Variants in NFASC observed in about 807,000 individuals in gnomAD.
NFASC encodes neurofascin homolog.
Under a neutral mutation model 147.5 loss-of-function variants are expected in NFASC, and 43 were observed. The ratio of observed to expected loss-of-function variants is 0.29; its 90% CI spans 0.23 to 0.38. The LOEUF (loss-of-function observed/expected upper bound fraction) is 0.38, where lower values mean the gene tolerates loss of function less well. NFASC is among the 10% of genes least tolerant of loss of function. The pLI is 1.00. For missense variants in NFASC, 1,320 were observed against 1,689.0 expected (o/e 0.78, Z 3.83); for synonymous variants, 622 against 665.5 (o/e 0.93, Z 1.01).
At chr1:204,903,629 A>G (rs1401712250) in intron 1 of NFASC, among the ~76,000 whole-genome samples, 2 of 152,136 alleles carry the variant, frequency 1.3e-5, no homozygotes, top group South Asian at 2.1e-4. Context: ...CTGGGGGCCC[A>G]GTTGCTGTGA....
At chr1:204,911,686 A>G (rs183854907) in intron 1 of NFASC, among the ~76,000 whole-genome samples, 3 of 152,308 alleles carry the variant, frequency 2.0e-5, no homozygotes, top group African/African-American at 7.2e-5. Flanking sequence ...TCTTCTATAA[A>G]AGAGATTTTA....
intron 25 of NFASC, chr1:205,000,456 C>T (rs1486166595): frequency 1.3e-5 from 2 of 152,572 alleles, no homozygotes; most frequent in African/African-American, 4.8e-5. Context: ...CATCAAGACT[C>T]GCGGCTCTTA....
intron 1 of NFASC, among the ~76,000 whole-genome samples, chr1:204,882,963 G>A (rs1385132302): frequency 1.3e-5 from 2 of 152,092 alleles, no homozygotes; most frequent in African/African-American, 4.8e-5. Context: ...TTTGGAATAC[G>A]CCTACATATG....
At chr1:204,871,857 A>G (rs1472054866) in intron 1 of NFASC, among the ~76,000 whole-genome samples, 2 of 152,252 alleles carry the variant, frequency 1.3e-5, no homozygotes, top group South Asian at 2.1e-4. Flanking sequence ...TTTGGTCCAG[A>G]GCTACCCTGA....
Position 204,901,192 on chromosome 1 carries a change from G to A in NFASC, c.-199-19440G>A, listed in dbSNP as rs566146549. Among the ~76,000 whole-genome samples, 16 of 152,308 alleles carry A rather than the reference G, an allele frequency of 1.1e-4. No individual in the cohort carries two copies. The East Asian group carries it at 3.1e-3, about 29-fold the overall frequency. ...AAATACAACTGGACATGTCAAGTAG[G>A]CAGTTGGATATGTGAAGCTCAGGGG... is the stretch of plus-strand genomic sequence containing the variant. On this transcript the variant is annotated intron_variant, in intron 1 of 29. Transcript: ENST00000339876.
Position 204,973,402 on chromosome 1 carries a change from C to A in NFASC, c.1262C>A (p.Ala421Asp). 1 of 1,614,264 alleles carries A rather than the reference C, an allele frequency of 6.2e-7. No homozygotes were observed. The highest frequency in any genetic ancestry group is 8.5e-7 in the Non-Finnish European group (1 of 1,180,044). The change falls in exon 12 of 30, where the codon GCC becomes GAC. Residue 421 changes from alanine (A) to aspartate (D), a missense_variant. This residue lies in a region of NFASC where 981 missense variants were observed against 1,289.5 expected (regional missense o/e 0.76). Transcript: ENST00000339876. ...SNEHGYLLAN[A>D]FVSVLDVPPR... ...GAGCATGGCTACCTGCTGGCCAACG[C>A]CTTTGTCAGTGTGCTGGGTGAGTGT...
intron 2 of NFASC, among the ~76,000 whole-genome samples, chr1:204,925,938 G>A (rs150510179): frequency 5.3e-5 from 8 of 152,224 alleles, no homozygotes; most frequent in Admixed American, 1.3e-4. Flanking sequence ...TGGTGGAGTC[G>A]CACAGATATC....
chr1:204,980,489 A>C (rs1472168962), intron 20 of NFASC, 49 bp downstream of exon 20: 1 of 1,403,438 alleles, frequency 7.1e-7, no homozygotes, highest in African/African-American at 1.4e-5. Context: ...TGCCGCATGC[A>C]CCGGGAGCCC....
chr1:204,945,660 T>A (rs140397430), intron 3 of NFASC, among the ~76,000 whole-genome samples: 58 of 152,326 alleles, frequency 3.8e-4, no homozygotes, highest in Non-Finnish European at 7.1e-4. Context: ...TGTGCATATG[T>A]ATGCATGCCC....
At chr1:204,945,556 C>T (rs2093666204) in intron 3 of NFASC, among the ~76,000 whole-genome samples, 2 of 152,258 alleles carry the variant, frequency 1.3e-5, no homozygotes. Context: ...GATGATAGAA[C>T]ACCAGTAGTA....
At chr1:204,891,104 C>T (rs77906930) in intron 1 of NFASC, among the ~76,000 whole-genome samples, 5,625 of 152,264 alleles carry the variant, frequency 0.037, 319 homozygotes, top group African/African-American at 0.13. Flanking sequence ...GGTCTCTTCC[C>T]TGATTGGGTC....
chr1:204,870,581 C>T (rs1201294383), intron 1 of NFASC: 17 of 793,682 alleles, frequency 2.1e-5, no homozygotes, highest in Non-Finnish European at 2.3e-5. Context: ...CGGCCTGGTA[C>T]GTCTCTCTGT....
chr1:204,931,759 C>A (rs2092382998), intron 2 of NFASC, among the ~76,000 whole-genome samples: 1 of 152,132 alleles, frequency 6.6e-6, no homozygotes, highest in African/African-American at 2.4e-5. Context: ...ACTCTCCCTT[C>A]TGTGTTCTTG....
At chr1:204,971,759 G>A (rs895630394) in intron 11 of NFASC, among the ~76,000 whole-genome samples, 3 of 152,176 alleles carry the variant, frequency 2.0e-5, no homozygotes, top group African/African-American at 7.2e-5. Context: ...GCACCAGCTA[G>A]TACTGAACCT....
chr1:204,974,223 G>A lies in NFASC; in HGVS notation c.1324G>A (p.Val442Met). The A allele has an allele frequency of 6.2e-7, 1 of 1,614,152 alleles. No homozygotes were observed. The highest frequency in any genetic ancestry group is 1.3e-5 in the African/African-American group (1 of 75,040). ...MLSPRNQLIR[V>M]ILYNRTRLDC... The stretch of plus-strand genomic sequence containing the variant: ...GTCGCCCCGGAACCAGCTCATTCGA[G>A]TGATTCTTTACAACCGGACGCGGCT... Residue 442 changes from valine (V) to methionine (M), a missense_variant, in exon 13 of 30, where the codon GTG becomes ATG. Around this residue, in one of 3 missense-constraint regions of NFASC, gnomAD observed 981 missense variants for 1,289.5 expected, o/e 0.76. Coordinates refer to ENST00000339876, the MANE Select transcript of NFASC (RefSeq NM_001005388.3).
chr1:204,978,890 A>G, intron 17 of NFASC, 78 bp from the exon 18 acceptor site: 2 of 1,121,494 alleles, frequency 1.8e-6, no homozygotes, highest in East Asian at 2.6e-5. Flanking sequence ...CCCGTCAGGG[A>G]GCTGTCCAGG....
intron 2 of NFASC, among the ~76,000 whole-genome samples, chr1:204,940,162 A>T (rs1448499053): frequency 6.6e-6 from 1 of 152,206 alleles, no homozygotes; most frequent in African/African-American, 2.4e-5. Flanking sequence ...TTTAAAGTGC[A>T]CAGCTCAAAG....
At chr1:204,864,042 G>A (rs2076918016) in intron 1 of NFASC, among the ~76,000 whole-genome samples, 1 of 152,122 alleles carries the variant, frequency 6.6e-6, no homozygotes, top group Non-Finnish European at 1.5e-5. Flanking sequence ...ACTCCTCCCA[G>A]CCTTTGGTAA....
At chr1:204,929,852 T>C (rs2092177919) in intron 2 of NFASC, among the ~76,000 whole-genome samples, 1 of 152,188 alleles carries the variant, frequency 6.6e-6, no homozygotes, top group Non-Finnish European at 1.5e-5. Flanking sequence ...TAGGGGGCAG[T>C]TTGAGTTTCC....
Sources: gnomAD v4.1 joint callset for allele counts (sites outside exome capture counted in the v4.1 genomes callset) on GRCh38, gnomAD v4.1.1 for gene constraint, gnomAD v4.1.1 regional missense constraint, MANE v1.5 for transcripts, NCBI Gene and HGNC (gene_info 2026-07-23, HGNC 2026-07-21) for gene names.